ATF6B: variants seen among roughly 807,000 people sequenced by gnomAD.
ATF6B encodes cyclic AMP-dependent transcription factor ATF-6 beta.
Under a neutral mutation model 83.5 loss-of-function variants are expected in ATF6B, and 50 were observed. The observed-to-expected ratio is 0.60, with a 90% CI of 0.48 to 0.76. The LOEUF is 0.76. Ranked by LOEUF, ATF6B falls within the 30% of genes least tolerant of loss-of-function variation. The pLI, the probability that ATF6B is intolerant of heterozygous loss-of-function variation, is 0.00. For missense variants in ATF6B, 790 were observed against 893.8 expected (o/e 0.88, Z 1.48); for synonymous variants, 344 against 362.8 (o/e 0.95, Z 0.59).
At chr6:32,127,288 C>A in intron 3 of ATF6B, 94 bp from the exon 4 acceptor site, 1 of 1,384,846 alleles carries the variant, frequency 7.2e-7, no homozygotes. Flanking sequence ...TCCTGTACCG[C>A]AGCAAGGGAG....
chr6:32,126,149 A>T lies in ATF6B; in HGVS notation c.446T>A (p.Ile149Asn). The T allele has an allele frequency of 6.2e-7, 1 of 1,614,162 alleles. No homozygotes were observed. The change falls in exon 5 of 18, where the codon ATC becomes AAC. Residue 149 changes from isoleucine (I) to asparagine (N), a missense_variant. By Grantham distance (149) the Ile-to-Asn change is moderately radical. Transcript: ENST00000375203. ...ATCATCAGAGGTGGGGATAACGTTG[A>T]TCTGGACGGTTTCAAATGAGGATGT... ...DPTSSFETVQ[I>N]NVIPTSDDSS...
intron 5 of ATF6B, 147 bp from the exon 6 acceptor site, chr6:32,121,495 G>C: frequency 1.4e-6 from 1 of 718,224 alleles, no homozygotes; most frequent in Non-Finnish European, 2.4e-6. Context: ...CTGAGGTCAG[G>C]AGTTCAAGAC....
At position 32,119,004 on chromosome 6, in the gene ATF6B, G is replaced by A. The variant is rs753616674; in HGVS notation, c.1104C>T (p.Arg368=). 2 of 1,614,154 alleles carry A rather than the reference G, an allele frequency of 1.2e-6. No individual in the cohort carries two copies. The highest frequency in any genetic ancestry group is 1.1e-5 in the South Asian group (1 of 91,088). Reference sequence around the variant, plus strand: ...GCCGCCGGAGGGCAGCATTCTCTCGGCGGAGCTGCTGGTTGTCAGCCAGTA... The same window carrying A: ...GCCGCCGGAGGGCAGCATTCTCTCGACGGAGCTGCTGGTTGTCAGCCAGTA... ...QAVLADNQQL[R]RENAALRRRL... The change falls in exon 10 of 18, where the codon CGC becomes CGT. Residue 368 remains arginine, a synonymous_variant. Coordinates refer to ENST00000375203, the MANE Select transcript of ATF6B (RefSeq NM_004381.5). The surrounding 1 kb of genome is among the most constrained non-coding windows in gnomAD (Gnocchi z 4.9).
chr6:32,117,401 A>G lies in ATF6B; in HGVS notation c.1536T>C (p.Leu512=), dbSNP rs202228488. The G allele has an allele frequency of 5.6e-5, 91 of 1,614,000 alleles. No individual in the cohort carries two copies. The South Asian group carries it at 9.6e-4, about 17-fold the overall frequency. Residue 512 remains leucine, a synonymous_variant, in exon 14 of 18, where the codon CTT becomes CTC. Coordinates refer to ENST00000375203, the MANE Select transcript of ATF6B (RefSeq NM_004381.5). The surrounding 1 kb of genome is among the most constrained non-coding windows in gnomAD (Gnocchi z 5.0). ...RHFNRTESLR[L]ADELSGWVQR... is the part of the protein sequence containing the mutation. ...GGACCCAGCCACTCAACTCGTCAGC[A>G]AGCCTGGGGAAATGGAGGAGCTCAG...
Position 32,116,408 on chromosome 6 carries a change from C to G in ATF6B, c.1882+72G>C. 1.4e-6 allele frequency: 2 copies of G among 1,446,992 alleles called. No individual in the cohort carries two copies. Among genetic ancestry groups the G allele is most frequent in the Non-Finnish European group, 9.5e-7 (1 of 1,057,434 alleles). 89.6% of individuals were successfully genotyped at this position (1,446,992 alleles called of 1,614,324 possible). On this transcript the variant is annotated intron_variant, in intron 17 of 17. Coordinates refer to ENST00000375203, the MANE Select transcript of ATF6B (RefSeq NM_004381.5). This position sits in a 1 kb window ranked among gnomAD's most constrained non-coding sequence, Gnocchi z 5.1. ...CTCTCTGGATGCCCTGCTCCTCTCC[C>G]CCTTCCCCCTCAGCTCCCAGGCTGG...
In ATF6B at chr6:32,121,325, C is replaced by G; in HGVS notation, c.502G>C (p.Val168Leu). ...SSDVQTKIEP[V>L]SPCSSVNSEA... ...GAGTTGACGGAAGAACATGGAGAGA[C>G]AGGTTCTATCTTGGTCTGGACATCT... The change falls in exon 6 of 18, where the codon GTC becomes CTC. Residue 168 changes from valine to leucine, a missense_variant. Val to Leu is a conservative substitution (Grantham distance 32). This residue lies in a region of ATF6B where 253 missense variants were observed against 243.1 expected (regional missense o/e 1.04). Coordinates refer to ENST00000375203, the MANE Select transcript of ATF6B (RefSeq NM_004381.5). 6.2e-7 allele frequency: 1 copy of G among 1,614,018 alleles called. No homozygotes were observed. Among genetic ancestry groups the G allele is most frequent in the Non-Finnish European group, 8.5e-7 (1 of 1,180,014 alleles).
Position 32,117,613 on chromosome 6 carries a change from C to T in ATF6B, c.1506G>A (p.Arg502=), listed in dbSNP as rs915142879. 6.2e-7 allele frequency: 1 copy of T among 1,614,118 alleles called. No individual in the cohort carries two copies. The part of the protein sequence containing the change: ...LDQLFLSSDC[R]HFNRTESLRL... ...TCAGGGACTCAGTGCGGTTGAAGTG[C>T]CGGCAATCAGAGGAGAGGAAGAGCT... Residue 502 remains arginine, a synonymous_variant, in exon 13 of 18, where the codon CGG becomes CGA. Transcript: ENST00000375203. The surrounding 1 kb of genome is among the most constrained non-coding windows in gnomAD (Gnocchi z 5.0).
At position 32,117,833 on chromosome 6, in the gene ATF6B, A is replaced by T; in HGVS notation, c.1424+26T>A. 1 of 1,556,612 alleles carries T rather than the reference A, an allele frequency of 6.4e-7. No individual in the cohort carries two copies. Among genetic ancestry groups the T allele is most frequent in the South Asian group, 1.2e-5 (1 of 81,042 alleles). ...AGACCAACTCATACCCTCAAACGAG[A>T]GGGGGCCCTCTCTCTCTCTCCTCAC... On this transcript the variant is annotated intron_variant, in intron 12 of 17. Transcript: ENST00000375203. The surrounding 1 kb of genome is among the most constrained non-coding windows in gnomAD (Gnocchi z 5.0).
Position 32,116,024 on chromosome 6 carries a change from GGGA to G in ATF6B, c.1883-59_1883-57del. The G allele has an allele frequency of 1.5e-6, 2 of 1,316,886 alleles. No individual in the cohort carries two copies. Among genetic ancestry groups the G allele is most frequent in the East Asian group, 2.4e-5 (1 of 42,152 alleles). The allele number at this position is 1,316,886 out of a possible 1,614,324, so 81.6% of individuals were successfully genotyped here. On this transcript the variant is annotated intron_variant, in intron 17 of 17. Transcript: ENST00000375203. This position sits in a 1 kb window ranked among gnomAD's most constrained non-coding sequence, Gnocchi z 5.1. ...GATGGGGAGGCAAACAGGGATTGCAGGGAGGAGGGGAGGAGGTCAGAAAAGTAG... is the reference window on the plus strand; with the variant it reads ...GATGGGGAGGCAAACAGGGATTGCAGGGAGGGGAGGAGGTCAGAAAAGTAG...
intron 3 of ATF6B, 79 bp downstream of exon 3, chr6:32,127,363 G>C: frequency 1.3e-6 from 2 of 1,496,280 alleles, no homozygotes; most frequent in African/African-American, 1.4e-5. Context: ...TGAGGATATA[G>C]GAAGCTACGT....
At position 32,119,040 on chromosome 6, in the gene ATF6B, C is replaced by A; in HGVS notation, c.1068G>T (p.Arg356=). 1 of 1,614,198 alleles carries A rather than the reference C, an allele frequency of 6.2e-7. No individual in the cohort carries two copies. The highest frequency in any genetic ancestry group is 8.5e-7 in the Non-Finnish European group (1 of 1,180,040). ...GGTTGTCAGCCAGTACTGCTTGCAG[C>A]CGAGCCTCCAGTCCCTGCAGATACT... ...KKEYLQGLEA[R]LQAVLADNQQ... is the part of the protein sequence containing the mutation. The change falls in exon 10 of 18, where the codon CGG becomes CGT. Residue 356 remains arginine (R), a synonymous_variant. Transcript: ENST00000375203. The surrounding 1 kb of genome is among the most constrained non-coding windows in gnomAD (Gnocchi z 4.9).
rs1392153695 is a variant in ATF6B at position 32,118,076 on chromosome 6, C to A, written c.1245-38G>T. ...AAGGACTGAGCACAATGAAGAATTT[C>A]AGCTGTATCAAGTATCTAGGTAAGA... On this transcript the variant is annotated intron_variant, in intron 11 of 17. Transcript: ENST00000375203. This position sits in a 1 kb window ranked among gnomAD's most constrained non-coding sequence, Gnocchi z 5.2. 1.2e-6 allele frequency: 2 copies of A among 1,612,554 alleles called. No homozygotes were observed. The highest frequency in any genetic ancestry group is 2.2e-5 in the South Asian group (2 of 91,004).
chr6:32,126,144 C>A lies in ATF6B; in HGVS notation c.451G>T (p.Val151Phe), dbSNP rs759475542. 2.6e-5 allele frequency: 42 copies of A among 1,614,014 alleles called. No homozygotes were observed. Among genetic ancestry groups the A allele is most frequent in the Non-Finnish European group, 3.6e-5 (42 of 1,180,040 alleles). ...TSSFETVQIN[V>F]IPTSDDSSDV... ...GAGGAATCATCAGAGGTGGGGATAA[C>A]GTTGATCTGGACGGTTTCAAATGAG... The change falls in exon 5 of 18, where the codon GTT (valine) becomes TTT (phenylalanine). Residue 151 changes from valine to phenylalanine, a missense_variant. By Grantham distance (50) the Val-to-Phe change is conservative. Around this residue, in one of 3 missense-constraint regions of ATF6B, gnomAD observed 253 missense variants for 243.1 expected, o/e 1.04. Coordinates refer to ENST00000375203, the MANE Select transcript of ATF6B (RefSeq NM_004381.5).
chr6:32,128,089 C>T (rs777468600), intron 1 of ATF6B, 28 bp downstream of exon 1: 3 of 1,611,148 alleles, frequency 1.9e-6, no homozygotes, highest in East Asian at 4.5e-5. Context: ...CAGTTTGCCA[C>T]AGCCCTCTCC....
At position 32,115,938 on chromosome 6, in the gene ATF6B, T is replaced by A; in HGVS notation, c.1913A>T (p.Asp638Val). ...CTCGATCTGCATCATCTCCTCATAG[T>A]CCCCCGGGGCCCCACGGCCTGACAG... ...ETLSGRGAPGDYEEMMQIECE... is the reference protein window; with the variant it reads ...ETLSGRGAPGVYEEMMQIECE... Residue 638 changes from aspartate to valine, a missense_variant, in exon 18 of 18, where the codon GAC becomes GTC. Coordinates refer to ENST00000375203, the MANE Select transcript of ATF6B (RefSeq NM_004381.5). 6.2e-7 allele frequency: 1 copy of A among 1,613,270 alleles called. No individual in the cohort carries two copies. Among genetic ancestry groups the A allele is most frequent in the Admixed American group, 1.7e-5 (1 of 59,962 alleles).
intron 5 of ATF6B, among the ~76,000 whole-genome samples, chr6:32,123,072 C>T (rs1322972700): frequency 6.6e-6 from 1 of 151,046 alleles, no homozygotes; most frequent in Non-Finnish European, 1.5e-5. Context: ...ACCAAAAATA[C>T]AAAAAAATAG....
chr6:32,125,907 T>C lies in ATF6B; in HGVS notation c.478+210A>G, dbSNP rs1427136277. 1.1e-5 allele frequency: 6 copies of C among 556,830 alleles called. No individual in the cohort carries two copies. Among genetic ancestry groups the C allele is most frequent in the Non-Finnish European group, 1.5e-5 (5 of 332,298 alleles). 34.5% of individuals were successfully genotyped at this position (556,830 alleles called of 1,614,324 possible). The stretch of plus-strand genomic sequence containing the variant: ...ACAAGAAAAAGAGAGAAAAATAATA[T>C]CCATCTCCTCAGCACTGCCCTTGCT... On this transcript the variant is annotated intron_variant, in intron 5 of 17. Transcript: ENST00000375203. The surrounding 1 kb of genome is among the most constrained non-coding windows in gnomAD (Gnocchi z 4.1).
rs549103975 is a variant in ATF6B at position 32,120,596 on chromosome 6, G to T, written c.832+175C>A. On this transcript the variant is annotated intron_variant, in intron 8 of 17. Transcript: ENST00000375203. ...CTCCCGAGGAGCTGGGATTACAGGC[G>T]CCTGCCACCACTCCACGCTAATTTT... The T allele has an allele frequency of 8.9e-6, 6 of 675,420 alleles. No individual in the cohort carries two copies. In the East Asian group the frequency reaches 1.1e-4, roughly 12 times the overall value. The allele number at this position is 675,420 out of a possible 1,614,324, so 41.8% of individuals were successfully genotyped here.
chr6:32,116,974 T>C lies in ATF6B; in HGVS notation c.1685+63A>G. The C allele has an allele frequency of 6.4e-7, 1 of 1,573,188 alleles. No individual in the cohort carries two copies. The highest frequency in any genetic ancestry group is 8.7e-7 in the Non-Finnish European group (1 of 1,144,264). On this transcript the variant is annotated intron_variant, in intron 15 of 17. Coordinates refer to ENST00000375203, the MANE Select transcript of ATF6B (RefSeq NM_004381.5). This position sits in a 1 kb window ranked among gnomAD's most constrained non-coding sequence, Gnocchi z 5.1. The stretch of plus-strand genomic sequence containing the variant: ...GTAATGACAGGCACAGGACAGCTAC[T>C]GGGGGTACAGCTCTTGAAAGTGGAA...
Sources: gnomAD v4.1 joint callset for allele counts (sites outside exome capture counted in the v4.1 genomes callset) on GRCh38, gnomAD v4.1.1 for gene constraint, gnomAD v4.1.1 regional missense constraint, Gnocchi (gnomAD v3.1) non-coding constraint, MANE v1.5 for transcripts, NCBI Gene and HGNC (gene_info 2026-07-23, HGNC 2026-07-21) for gene names.